The following XKR4 variants were observed in gnomAD, a reference collection of about 807,000 sequenced individuals.
The protein encoded by XKR4 is XK-related protein 4.
XKR4 carries 12 observed loss-of-function variants against 53.9 expected under a neutral mutation model. That is an observed-to-expected ratio of 0.22 (90% CI 0.14 to 0.36). XKR4 has a LOEUF of 0.36. Among genes scored for constraint, XKR4 ranks in the 10% least tolerant of loss-of-function variants. The pLI is 1.00. For synonymous variants in XKR4, 354 were observed against 362.4 expected, an observed-to-expected ratio of 0.98 and a Z score of 0.26; for missense variants, 799 against 859.5, an observed-to-expected ratio of 0.93 and a Z score of 0.88.
chr8:55,148,458 A>G (rs1422549920), intron 1 of XKR4, among the ~76,000 whole-genome samples: 1 of 152,142 alleles, frequency 6.6e-6, no homozygotes, highest in Non-Finnish European at 1.5e-5. Context: ...AAATGACAAT[A>G]TGACAATCCA....
intron 2 of XKR4, among the ~76,000 whole-genome samples, chr8:55,385,490 A>G (rs940939678): frequency 2.0e-5 from 3 of 152,198 alleles, no homozygotes; most frequent in Admixed American, 1.3e-4. Context: ...GTCAAGCATC[A>G]TGCTTTATTT....
At chr8:55,485,126 A>T (rs932052307) in intron 2 of XKR4, among the ~76,000 whole-genome samples, 4 of 152,240 alleles carry the variant, frequency 2.6e-5, no homozygotes, top group Non-Finnish European at 2.9e-5. Flanking sequence ...AACTTGATAA[A>T]TCTACAAAAA....
intron 1 of XKR4, among the ~76,000 whole-genome samples, chr8:55,107,182 A>T (rs1816162571): frequency 6.6e-6 from 1 of 152,162 alleles, no homozygotes; most frequent in Non-Finnish European, 1.5e-5. Flanking sequence ...TCTACATTTT[A>T]AAATAACCTA....
intron 2 of XKR4, among the ~76,000 whole-genome samples, chr8:55,515,599 G>A (rs1806700864): frequency 6.6e-6 from 1 of 152,200 alleles, no homozygotes; most frequent in Admixed American, 6.5e-5. Flanking sequence ...GTATGGAACT[G>A]TCTTTCCTCA....
At chr8:55,199,611 G>C (rs143787809) in intron 1 of XKR4, among the ~76,000 whole-genome samples, 84 of 152,218 alleles carry the variant, frequency 5.5e-4, no homozygotes, top group Non-Finnish European at 4.4e-4. Flanking sequence ...TAAGTAACAG[G>C]ATCTGAGCAC....
At chr8:55,423,967 C>T (rs925122334) in intron 2 of XKR4, among the ~76,000 whole-genome samples, 3 of 152,160 alleles carry the variant, frequency 2.0e-5, no homozygotes, top group Admixed American at 1.3e-4. Flanking sequence ...TGGATGGGAG[C>T]AAACCTTTCC....
chr8:55,455,190 G>A (rs990477516), intron 2 of XKR4: 3 of 482,056 alleles, frequency 6.2e-6, no homozygotes, highest in South Asian at 5.5e-5. Context: ...AGGGCTGCGC[G>A]CTCATGGCCC....
chr8:55,413,871 C>A (rs1416242625), intron 2 of XKR4, among the ~76,000 whole-genome samples: 1 of 152,176 alleles, frequency 6.6e-6, no homozygotes, highest in Non-Finnish European at 1.5e-5. Context: ...AAAAGTATAA[C>A]TTCAAGTAAA....
chr8:55,452,895 T>C (rs552467284), intron 2 of XKR4: 1 of 785,374 alleles, frequency 1.3e-6, no homozygotes, highest in Non-Finnish European at 2.3e-6. Context: ...GCTCACGCAG[T>C]TGGTATAGTG....
intron 1 of XKR4, among the ~76,000 whole-genome samples, chr8:55,322,900 G>A (rs1468656562): frequency 1.3e-5 from 2 of 151,886 alleles, no homozygotes; most frequent in Non-Finnish European, 2.9e-5. Context: ...TCTTTTTCTT[G>A]CATTCTTCCC....
intron 1 of XKR4, among the ~76,000 whole-genome samples, chr8:55,308,923 G>C (rs1200402161): frequency 1.3e-5 from 2 of 152,208 alleles, no homozygotes; most frequent in Non-Finnish European, 2.9e-5. Context: ...GATTTTCTGA[G>C]TGGTACCAGT....
chr8:55,467,066 C>G (rs1301432256), intron 2 of XKR4, among the ~76,000 whole-genome samples: 1 of 152,106 alleles, frequency 6.6e-6, no homozygotes, highest in Non-Finnish European at 1.5e-5. Flanking sequence ...AAGGTGTCAG[C>G]CAGGGCTGCA....
rs542145789 is a variant in XKR4 at position 55,107,273 on chromosome 8, C to T, written c.806+3979C>T. Among the ~76,000 whole-genome samples the T allele has an allele frequency of 1.1e-4, 17 of 152,242 alleles. No individual in the cohort carries two copies. The South Asian group carries it at 1.5e-3, about 13-fold the overall frequency. Reference sequence around the variant, plus strand: ...AAGCGGCTTAACCTCTTAATAGGGTCACCCAACTATTATGTAGTGTAGTTA... The same window carrying T: ...AAGCGGCTTAACCTCTTAATAGGGTTACCCAACTATTATGTAGTGTAGTTA... On this transcript the variant is annotated intron_variant, in intron 1 of 2. Coordinates refer to ENST00000327381, the MANE Select transcript of XKR4 (RefSeq NM_052898.2).
intron 2 of XKR4, among the ~76,000 whole-genome samples, chr8:55,379,437 C>T (rs1023285818): frequency 1.3e-5 from 2 of 152,214 alleles, no homozygotes; most frequent in African/African-American, 2.4e-5. Flanking sequence ...TAGTTTGCAA[C>T]ATCAGGAAGC....
chr8:55,332,496 G>A (rs898703904), intron 1 of XKR4, among the ~76,000 whole-genome samples: 2 of 151,762 alleles, frequency 1.3e-5, no homozygotes, highest in Admixed American at 1.3e-4. Flanking sequence ...TAGTTGCAAG[G>A]AACTTCTTCA....
At chr8:55,409,385 T>A (rs985465737) in intron 2 of XKR4, among the ~76,000 whole-genome samples, 34 of 152,144 alleles carry the variant, frequency 2.2e-4, no homozygotes, top group African/African-American at 8.0e-4. Context: ...CATCCAGACA[T>A]TTCTGACCCC....
intron 2 of XKR4, among the ~76,000 whole-genome samples, chr8:55,500,234 G>A (rs1301587761): frequency 1.4e-5 from 2 of 145,808 alleles, no homozygotes; most frequent in Admixed American, 6.8e-5. Flanking sequence ...GCAGCAACAA[G>A]GAAAAAATAA....
chr8:55,145,079 G>A (rs561819409), intron 1 of XKR4, among the ~76,000 whole-genome samples: 8 of 152,074 alleles, frequency 5.3e-5, no homozygotes, highest in East Asian at 3.9e-4. Context: ...GGATCCGCCC[G>A]CCTTGGGCTC....
At chr8:55,392,151 A>G (rs973954751) in intron 2 of XKR4, among the ~76,000 whole-genome samples, 1 of 152,180 alleles carries the variant, frequency 6.6e-6, no homozygotes, top group African/African-American at 2.4e-5. Context: ...TTTTGTATGG[A>G]TGTCCTCTAA....
Sources: gnomAD v4.1 joint callset for allele counts (sites outside exome capture counted in the v4.1 genomes callset) on GRCh38, gnomAD v4.1.1 for gene constraint, MANE v1.5 for transcripts, NCBI Gene and HGNC (gene_info 2026-07-23, HGNC 2026-07-21) for gene names.